PTPA: variants seen among roughly 807,000 people sequenced by gnomAD.
PTPA encodes serine/threonine-protein phosphatase 2A activator.
Under a neutral mutation model 43.6 loss-of-function variants are expected in PTPA, and 13 were observed. The observed-to-expected ratio is 0.30, with a 90% CI of 0.19 to 0.47. The LOEUF (loss-of-function observed/expected upper bound fraction) is 0.47, where lower values mean the gene tolerates loss of function less well. Ranked by LOEUF, PTPA falls within the 20% of genes least tolerant of loss-of-function variation. The pLI is 0.99. For synonymous variants in PTPA, 172 were observed against 158.2 expected (o/e 1.09, Z -0.66); for missense variants, 329 against 411.9 (o/e 0.80, Z 1.74).
intron 9 of PTPA, 59 bp downstream of exon 9, chr9:129,142,611 G>A (rs777155732): frequency 6.2e-7 from 1 of 1,603,962 alleles, no homozygotes; most frequent in South Asian, 1.1e-5. Flanking sequence ...CTGGGCTGGG[G>A]ACAAAGCAAA....
chr9:129,128,423 C>CT (rs1849723210), intron 3 of PTPA, among the ~76,000 whole-genome samples: 1 of 151,644 alleles, frequency 6.6e-6, no homozygotes, highest in Non-Finnish European at 1.5e-5. Flanking sequence ...TTAGTCCCAG[C>CT]TACTTGGGAG....
intron 5 of PTPA, among the ~76,000 whole-genome samples, chr9:129,134,451 A>G (rs1850219114): frequency 6.6e-6 from 1 of 151,758 alleles, no homozygotes; most frequent in African/African-American, 2.4e-5. Context: ...CCACAGGCAC[A>G]TGCCACCATG....
chr9:129,117,930 C>A lies in PTPA; in HGVS notation c.32-2583C>A, dbSNP rs552529669. On this transcript the variant is annotated intron_variant, in intron 1 of 9. Transcript: ENST00000393370. ...CCAGGCCTGGTCTGGAACTCCTGAC[C>A]TCAAATGATCCACCTACCTCAGCCT... 7.2e-5 allele frequency among the ~76,000 whole-genome samples: 11 copies of A among 152,042 alleles called. No individual in the cohort carries two copies. In the South Asian group the frequency reaches 1.0e-3, roughly 14 times the overall value.
At chr9:129,142,397 G>C (rs1256699600) in intron 8 of PTPA, 48 bp from the exon 9 acceptor site, 1 of 1,518,362 alleles carries the variant, frequency 6.6e-7, no homozygotes, top group East Asian at 2.3e-5. Flanking sequence ...GGAGGGATGA[G>C]CTCCCAGCCA....
At chr9:129,145,059 G>A (rs1300578497) in intron 9 of PTPA, among the ~76,000 whole-genome samples, 1 of 150,862 alleles carries the variant, frequency 6.6e-6, no homozygotes, top group Non-Finnish European at 1.5e-5. Flanking sequence ...GGTTGGGTGC[G>A]GTGGCTCATG....
chr9:129,122,131 C>T (rs1054120139), intron 2 of PTPA, among the ~76,000 whole-genome samples: 2 of 151,902 alleles, frequency 1.3e-5, no homozygotes, highest in African/African-American at 4.8e-5. Context: ...GAGACAGGGT[C>T]TCACCCTGGC....
At position 129,148,526 on chromosome 9, in the gene PTPA, A is replaced by T. The variant is rs4713; in HGVS notation, c.*1062A>T. 0.69 allele frequency: 105,726 copies of T among 152,514 alleles called. 36,759 individuals are homozygous for T. Among genetic ancestry groups the T allele is most frequent in the Non-Finnish European group, 0.7 (47,960 of 68,104 alleles). 9.4% of individuals were successfully genotyped at this position (152,514 alleles called of 1,614,324 possible). On this transcript the variant is annotated 3_prime_UTR_variant, in exon 10 of 10. Transcript: ENST00000393370. ...CATTGCTTTTATAGGGTGAGGTAAG[A>T]GACAGCCTCCCAAGCCCAGGCTTTG...
At chr9:129,129,623 C>G (rs1365974387) in intron 4 of PTPA, among the ~76,000 whole-genome samples, 1 of 152,126 alleles carries the variant, frequency 6.6e-6, no homozygotes, top group East Asian at 1.9e-4. Flanking sequence ...GCACCCACCA[C>G]CACGCCCGGC....
chr9:129,136,631 A>G lies in PTPA; in HGVS notation c.685+36A>G, dbSNP rs2131601985. On this transcript the variant is annotated intron_variant, in intron 7 of 9. Coordinates refer to ENST00000393370, the MANE Select transcript of PTPA (RefSeq NM_178000.3). ...GGGAGGTGCCTATCCCTCCACCCCC[A>G]ACCAAGGCTGCGTTCTGTGGCCCTC... 3.8e-6 allele frequency: 6 copies of G among 1,572,314 alleles called. 1 individual carries two copies. The East Asian group carries it at 1.4e-4, about 36-fold the overall frequency.
chr9:129,112,366 AAG>A (rs1190848757), intron 1 of PTPA, among the ~76,000 whole-genome samples: 2 of 152,202 alleles, frequency 1.3e-5, no homozygotes, highest in Non-Finnish European at 2.9e-5. Context: ...ACCTTGAACT[AAG>A]AAGGACTGGC....
intron 9 of PTPA, among the ~76,000 whole-genome samples, chr9:129,144,381 G>A (rs559080415): frequency 3.9e-5 from 6 of 152,144 alleles, no homozygotes; most frequent in East Asian, 1.9e-4. Context: ...AGTTGAGGCC[G>A]GCGCTGTGTG....
At position 129,144,831 on chromosome 9, in the gene PTPA, G is replaced by A. The variant is rs911814674; in HGVS notation, c.894+2279G>A. Among the ~76,000 whole-genome samples the A allele has an allele frequency of 8.3e-4, 126 of 151,386 alleles. 1 individual carries two copies. Among genetic ancestry groups the A allele is most frequent in the Non-Finnish European group, 5.6e-4 (38 of 67,924 alleles). On this transcript the variant is annotated intron_variant, in intron 9 of 9. Transcript: ENST00000393370. ...GTGGATCACTTGAGGCCAGGAGTTC[G>A]AGACCAACCTGGGCAACATGAGGAA...
At chr9:129,144,214 G>A (rs1851122562) in intron 9 of PTPA, among the ~76,000 whole-genome samples, 1 of 151,816 alleles carries the variant, frequency 6.6e-6, no homozygotes, top group African/African-American at 2.4e-5. Flanking sequence ...AAATGGTGAT[G>A]GTGTGGCAGG....
intron 2 of PTPA, among the ~76,000 whole-genome samples, chr9:129,122,704 G>A (rs989870494): frequency 6.6e-6 from 1 of 152,154 alleles, no homozygotes. Context: ...GACCTTGGGC[G>A]GATCACTTCT....
chr9:129,120,680 G>A (rs1280658938), intron 2 of PTPA, 70 bp downstream of exon 2: 2 of 1,388,962 alleles, frequency 1.4e-6, no homozygotes, highest in Non-Finnish European at 1.0e-6. Flanking sequence ...ATGACGGGCG[G>A]TGAGTTCCTG....
At chr9:129,125,728 TC>T (rs1382609777) in intron 3 of PTPA, among the ~76,000 whole-genome samples, 3 of 152,156 alleles carry the variant, frequency 2.0e-5, no homozygotes, top group African/African-American at 4.8e-5. Flanking sequence ...TTCACTGAGA[TC>T]CCACGAGTAG....
At chr9:129,115,522 C>T (rs1848806609) in intron 1 of PTPA, among the ~76,000 whole-genome samples, 1 of 152,096 alleles carries the variant, frequency 6.6e-6, no homozygotes, top group South Asian at 2.1e-4. Flanking sequence ...GTCCCTGTCC[C>T]TTTTTCTCCA....
chr9:129,147,752 G>T lies in PTPA; in HGVS notation c.*288G>T. 4.7e-6 allele frequency: 2 copies of T among 426,000 alleles called. No homozygotes were observed. Among genetic ancestry groups the T allele is most frequent in the Admixed American group, 7.3e-5 (2 of 27,358 alleles). 26.4% of individuals were successfully genotyped at this position (426,000 alleles called of 1,614,324 possible). A position where few individuals can be genotyped will look rare whatever the true frequency, so the allele number is the denominator to read the frequency against. On this transcript the variant is annotated 3_prime_UTR_variant, in exon 10 of 10. Coordinates refer to ENST00000393370, the MANE Select transcript of PTPA (RefSeq NM_178000.3). ...ACTCGGCCACTCTCTCCTGTTTCTG[G>T]CCTCTTCTCCCTTCACTCCCGTCCA...
chr9:129,137,432 G>A (rs1850445127), intron 7 of PTPA, among the ~76,000 whole-genome samples, 160 bp from the exon 8 acceptor site: 1 of 152,266 alleles, frequency 6.6e-6, no homozygotes, highest in African/African-American at 2.4e-5. Context: ...TAGCACATTA[G>A]AATACACAAA....
Sources: gnomAD v4.1 joint callset for allele counts (sites outside exome capture counted in the v4.1 genomes callset) on GRCh38, gnomAD v4.1.1 for gene constraint, MANE v1.5 for transcripts, NCBI Gene and HGNC (gene_info 2026-07-23, HGNC 2026-07-21) for gene names.